ZNF385D: variants seen among roughly 807,000 people sequenced by gnomAD.
ZNF385D encodes zinc finger protein 659.
ZNF385D carries 15 observed loss-of-function variants against 35.8 expected under a neutral mutation model. That is an observed-to-expected ratio of 0.42 (90% confidence interval 0.28 to 0.64). The LOEUF (loss-of-function observed/expected upper bound fraction) is 0.64. Ranked by LOEUF, ZNF385D falls within the 30% of genes least tolerant of loss-of-function variation. ZNF385D has a pLI of 0.23. For synonymous variants in ZNF385D, 212 were observed against 186.8 expected (o/e 1.13, Z -1.10); for missense variants, 474 against 494.6 (o/e 0.96, Z 0.39).
intron 4 of ZNF385D, among the ~76,000 whole-genome samples, chr3:21,501,105 C>T (rs1706326093): frequency 6.6e-6 from 1 of 152,134 alleles, no homozygotes; most frequent in Non-Finnish European, 1.5e-5. Context: ...AAACCAATCC[C>T]ACAAGCCCTG....
chr3:21,775,202 G>C (rs1233763117), intron 3 of ZNF385D, among the ~76,000 whole-genome samples: 1 of 151,806 alleles, frequency 6.6e-6, no homozygotes, highest in African/African-American at 2.4e-5. Flanking sequence ...GGTGGGCTTT[G>C]AGTATCTTTT....
At chr3:21,636,717 C>T (rs2065461686) in intron 2 of ZNF385D, among the ~76,000 whole-genome samples, 1 of 151,828 alleles carries the variant, frequency 6.6e-6, no homozygotes, top group African/African-American at 2.4e-5. Flanking sequence ...ATGTTAATCT[C>T]CTTTGGCAAC....
chr3:21,757,418 C>T (rs1342147850), intron 3 of ZNF385D, among the ~76,000 whole-genome samples: 1 of 152,120 alleles, frequency 6.6e-6, no homozygotes, highest in East Asian at 1.9e-4. Context: ...GCTGGGATTA[C>T]AGGCGTGAGC....
chr3:21,550,425 GAATTA>G (rs2062525274), intron 3 of ZNF385D, among the ~76,000 whole-genome samples: 1 of 152,108 alleles, frequency 6.6e-6, no homozygotes, highest in Admixed American at 6.5e-5. Context: ...TAAGAGATAT[GAATTA>G]AATTCAGACA....
chr3:22,171,510 G>A (rs1437667262), intron 2 of ZNF385D, among the ~76,000 whole-genome samples: 2 of 152,124 alleles, frequency 1.3e-5, no homozygotes, highest in African/African-American at 2.4e-5. Context: ...AAAGGAAATA[G>A]AAAATATGTG....
intron 3 of ZNF385D, among the ~76,000 whole-genome samples, chr3:21,953,435 T>C (rs1003797984): frequency 6.6e-6 from 1 of 152,062 alleles, no homozygotes. Context: ...ATATTCCTTA[T>C]GCTATATTTG....
At chr3:22,000,657 C>T (rs1213087600) in intron 3 of ZNF385D, among the ~76,000 whole-genome samples, 2 of 151,472 alleles carry the variant, frequency 1.3e-5, no homozygotes, top group South Asian at 2.1e-4. Flanking sequence ...AAGGGAAAAG[C>T]ATCAAGTCAA....
intron 2 of ZNF385D, among the ~76,000 whole-genome samples, chr3:22,294,961 C>G (rs904075078): frequency 6.6e-6 from 1 of 151,976 alleles, no homozygotes; most frequent in Non-Finnish European, 1.5e-5. Flanking sequence ...AGGGGTATAA[C>G]TATCTATCTC....
In ZNF385D at chr3:21,436,034, A is replaced by T. The variant is rs114545348; in HGVS notation, c.673+936T>A. Among the ~76,000 whole-genome samples, 481 of 152,276 alleles carry T rather than the reference A, an allele frequency of 3.2e-3. 1 individual carries two copies. The highest frequency in any genetic ancestry group is 0.011 in the African/African-American group (461 of 41,570). On this transcript the variant is annotated intron_variant, in intron 5 of 7. Transcript: ENST00000281523. ...ATGATTCACAAATGATTCTTTTTCT[A>T]TTATAGTTGCTGACAGAGTCCTGGC...
At chr3:21,454,422 T>C (rs1457067526) in intron 4 of ZNF385D, among the ~76,000 whole-genome samples, 1 of 152,144 alleles carries the variant, frequency 6.6e-6, no homozygotes, top group Non-Finnish European at 1.5e-5. Flanking sequence ...GATCTTGTCC[T>C]CTATTATCTT....
At chr3:21,805,002 T>C (rs1030357638) in intron 3 of ZNF385D, among the ~76,000 whole-genome samples, 4 of 152,174 alleles carry the variant, frequency 2.6e-5, no homozygotes, top group African/African-American at 7.2e-5. Context: ...TATTGAACCC[T>C]GGAGGTGGGG....
At chr3:21,602,574 G>A (rs1403060317) in intron 2 of ZNF385D, among the ~76,000 whole-genome samples, 2 of 123,308 alleles carry the variant, frequency 1.6e-5, no homozygotes, top group African/African-American at 3.4e-5. Flanking sequence ...CGCCCAGGCC[G>A]GACTGCGGAC....
intron 2 of ZNF385D, among the ~76,000 whole-genome samples, chr3:21,608,425 T>C (rs1377059965): frequency 6.6e-6 from 1 of 152,234 alleles, no homozygotes; most frequent in Non-Finnish European, 1.5e-5. Flanking sequence ...ATGTAGAATT[T>C]GCAGATGGCA....
intron 2 of ZNF385D, among the ~76,000 whole-genome samples, chr3:22,325,719 T>C (rs1026284636): frequency 6.6e-5 from 10 of 152,026 alleles, no homozygotes; most frequent in African/African-American, 1.2e-4. Flanking sequence ...GATCACGCCA[T>C]TGCACTCCAG....
Position 21,716,205 on chromosome 3 carries a change from G to C in ZNF385D, c.22+34690C>G, listed in dbSNP as rs76569145. On this transcript the variant is annotated intron_variant, in intron 1 of 7. Coordinates refer to ENST00000281523, the MANE Select transcript of ZNF385D (RefSeq NM_024697.3). ...AAATATTTTGATAGCTTTGTAGCTA[G>C]TTTCCTTGTTTCTTCCCTTGTCCAT... Among the ~76,000 whole-genome samples the C allele has an allele frequency of 6.7e-3, 1,015 of 152,074 alleles. 11 individuals are homozygous for C. The highest frequency in any genetic ancestry group is 0.023 in the African/African-American group (959 of 41,532).
chr3:21,576,919 TA>T (rs2063513023), intron 2 of ZNF385D, among the ~76,000 whole-genome samples: 1 of 152,238 alleles, frequency 6.6e-6, no homozygotes, highest in Admixed American at 6.5e-5. Flanking sequence ...AACATTGTGA[TA>T]TTTTGATACC....
rs73820942 is a variant in ZNF385D, at chr3:21,425,480, C to A, written c.852+12G>T. 3,905 of 1,569,826 alleles carry A rather than the reference C, an allele frequency of 2.5e-3. 82 individuals carry two copies. The African/African-American group carries it at 0.044, about 18-fold the overall frequency. ...CTTGTTGGTTTTCATTCCTAGAATA[C>A]GTGCTGTTTACCTGTTTAAGTTGCG... On this transcript the variant is annotated intron_variant, in intron 6 of 7. Transcript: ENST00000281523.
chr3:21,989,290 G>A (rs958732091), intron 3 of ZNF385D, among the ~76,000 whole-genome samples: 2 of 152,096 alleles, frequency 1.3e-5, no homozygotes, highest in Admixed American at 1.3e-4. Flanking sequence ...TTTTAAAATT[G>A]TAGTTATAAT....
At chr3:21,570,764 C>G (rs1575212651) in intron 2 of ZNF385D, among the ~76,000 whole-genome samples, 1 of 152,224 alleles carries the variant, frequency 6.6e-6, no homozygotes, top group Non-Finnish European at 1.5e-5. Flanking sequence ...CACCATACCC[C>G]TGTGCGTCTC....
Sources: allele counts gnomAD v4.1 joint callset (sites outside exome capture counted in the v4.1 genomes callset), GRCh38; gene constraint gnomAD v4.1.1; transcripts MANE v1.5; gene names NCBI Gene and HGNC (gene_info 2026-07-23, HGNC 2026-07-21).